Variants in TMTC1 observed in about 807,000 individuals in gnomAD.
The protein encoded by TMTC1 is transmembrane O-mannosyltransferase targeting cadherins 1.
Under a neutral mutation model 104.8 loss-of-function variants are expected in TMTC1, and 73 were observed. The ratio of observed to expected loss-of-function variants is 0.70; its 90% CI spans 0.58 to 0.85. The LOEUF (loss-of-function observed/expected upper bound fraction) is 0.85. TMTC1 is among the 40% of genes least tolerant of loss of function. The probability of loss-of-function intolerance (pLI) is 0.00; values close to 1 mark genes in which losing one functional copy is unlikely to be tolerated. For synonymous variants in TMTC1, 434 were observed against 428.7 expected (o/e 1.01, Z -0.15); for missense variants, 1,035 against 1,096.1 (o/e 0.94, Z 0.79).
At chr12:29,681,870 T>C (rs1940930733) in intron 5 of TMTC1, among the ~76,000 whole-genome samples, 1 of 152,216 alleles carries the variant, frequency 6.6e-6, no homozygotes, top group African/African-American at 2.4e-5. Context: ...TTAATGATAT[T>C]AGGATTTAGT....
intron 5 of TMTC1, among the ~76,000 whole-genome samples, chr12:29,668,869 C>T (rs971399290): frequency 2.0e-5 from 3 of 152,208 alleles, no homozygotes; most frequent in Admixed American, 6.5e-5. Flanking sequence ...TAACAGTGCA[C>T]AATTTTTGAA....
At chr12:29,549,092 G>A (rs985301876) in intron 10 of TMTC1, among the ~76,000 whole-genome samples, 12 of 147,500 alleles carry the variant, frequency 8.1e-5, no homozygotes, top group African/African-American at 2.5e-4. Flanking sequence ...TACAAAGATT[G>A]GGAAGTGAAT....
intron 5 of TMTC1, among the ~76,000 whole-genome samples, chr12:29,711,762 T>C (rs779538118): frequency 6.6e-6 from 1 of 151,996 alleles, no homozygotes; most frequent in African/African-American, 2.4e-5. Flanking sequence ...TCCCAGCACT[T>C]TGGGGGGCCA....
At chr12:29,541,403 C>T (rs544777340) in intron 10 of TMTC1, among the ~76,000 whole-genome samples, 4 of 152,298 alleles carry the variant, frequency 2.6e-5, no homozygotes, top group Admixed American at 2.6e-4. Context: ...TATCTGACCC[C>T]CATGCATCTC....
chr12:29,716,770 C>G (rs1269143924), intron 5 of TMTC1, among the ~76,000 whole-genome samples: 2 of 152,202 alleles, frequency 1.3e-5, no homozygotes, highest in Non-Finnish European at 2.9e-5. Context: ...AATCCCAGCA[C>G]TTTGGGAAGC....
chr12:29,568,552 TCTTA>T (rs745632650), intron 9 of TMTC1, among the ~76,000 whole-genome samples: 5 of 152,240 alleles, frequency 3.3e-5, no homozygotes, highest in Non-Finnish European at 7.3e-5. Context: ...ATCAGAAGAT[TCTTA>T]CTTAAAGAGA....
Position 29,735,177 on chromosome 12 carries a change from G to A in TMTC1, c.938+16489C>T, listed in dbSNP as rs116138925. Among the ~76,000 whole-genome samples the A allele has an allele frequency of 1.9e-3, 295 of 152,306 alleles. 1 individual carries two copies. Among genetic ancestry groups the A allele is most frequent in the African/African-American group, 6.7e-3 (280 of 41,568 alleles). ...ACACAGAGTCCTCTGCATTCTTTAA[G>A]TAGGTGCTATCCTTAAACTGATCAC... On this transcript the variant is annotated intron_variant, in intron 5 of 17. Transcript: ENST00000539277.
chr12:29,629,851 GTT>G (rs1292447610), intron 6 of TMTC1, among the ~76,000 whole-genome samples: 1 of 152,124 alleles, frequency 6.6e-6, no homozygotes, highest in Non-Finnish European at 1.5e-5. Context: ...TTAAAAAGAT[GTT>G]TTAATCATTC....
intron 5 of TMTC1, among the ~76,000 whole-genome samples, chr12:29,674,773 A>T (rs897485402): frequency 5.3e-5 from 8 of 152,190 alleles, no homozygotes; most frequent in African/African-American, 1.9e-4. Flanking sequence ...ATTTACTCAA[A>T]AGAGCAAGAA....
At chr12:29,643,697 A>AATATAAATATATATATTTAT (rs1565733573) in intron 5 of TMTC1, among the ~76,000 whole-genome samples, 1 of 37,670 alleles carries the variant, frequency 2.7e-5, no homozygotes, top group Non-Finnish European at 4.5e-5. Flanking sequence ...TATATTATAT[A>AATATAAATATATATATTTAT]TATTATATAT....
At chr12:29,521,994 AAT>A (rs1944181448) in intron 11 of TMTC1, among the ~76,000 whole-genome samples, 1 of 15,366 alleles carries the variant, frequency 6.5e-5, no homozygotes, top group Non-Finnish European at 2.0e-4. Flanking sequence ...AAGTTAACAA[AAT>A]GTCATCTTTT....
rs36015543 is a variant in TMTC1, at chr12:29,571,583, T to TACAC, written c.1532+518_1532+521dup. Reference sequence around the variant, plus strand: ...AGGAGAATGTTAATACACACACACATACACACACACACACACACACACACA... The same window carrying TACAC: ...AGGAGAATGTTAATACACACACACATACACACACACACACACACACACACACACA... On this transcript the variant is annotated intron_variant, in intron 9 of 17. Transcript: ENST00000539277. Among the ~76,000 whole-genome samples, 131 of 148,150 alleles carry TACAC rather than the reference T, an allele frequency of 8.8e-4. 2 individuals carry two copies. The highest frequency in any genetic ancestry group is 2.4e-3 in the African/African-American group (99 of 40,626).
intron 5 of TMTC1, among the ~76,000 whole-genome samples, chr12:29,683,293 A>T (rs1378506759): frequency 6.6e-6 from 1 of 152,228 alleles, no homozygotes; most frequent in Non-Finnish European, 1.5e-5. Context: ...AAATCAGTAG[A>T]AACTCTGACT....
chr12:29,696,747 A>G (rs531681709), intron 5 of TMTC1, among the ~76,000 whole-genome samples: 47 of 152,182 alleles, frequency 3.1e-4, no homozygotes, highest in Non-Finnish European at 5.6e-4. Context: ...TAGGGTAGGA[A>G]ATAAATAGAA....
intron 7 of TMTC1, among the ~76,000 whole-genome samples, chr12:29,588,210 T>C (rs1464197324): frequency 6.6e-6 from 1 of 152,208 alleles, no homozygotes; most frequent in African/African-American, 2.4e-5. Flanking sequence ...GCCACAGGTA[T>C]CTTGCAAGAG....
intron 5 of TMTC1, among the ~76,000 whole-genome samples, chr12:29,744,958 C>A (rs1183776922): frequency 6.6e-6 from 1 of 151,864 alleles, no homozygotes; most frequent in Non-Finnish European, 1.5e-5. Context: ...CAGAGTCCTG[C>A]TTTGTCATCC....
chr12:29,648,517 A>G (rs917455441), intron 5 of TMTC1, among the ~76,000 whole-genome samples: 1 of 152,160 alleles, frequency 6.6e-6, no homozygotes, highest in Non-Finnish European at 1.5e-5. Context: ...AAAACACAAC[A>G]CAGCAGATTG....
intron 1 of TMTC1, among the ~76,000 whole-genome samples, chr12:29,781,844 A>G (rs909725809): frequency 3.3e-5 from 5 of 152,224 alleles, no homozygotes; most frequent in Non-Finnish European, 5.9e-5. Flanking sequence ...AAAGAAAAAA[A>G]GAGAAAAGAC....
At chr12:29,507,026 T>C (rs1287465262) in intron 17 of TMTC1, 40 bp from the exon 18 acceptor site, 27 of 1,572,094 alleles carry the variant, frequency 1.7e-5, no homozygotes, top group Non-Finnish European at 2.4e-5. Flanking sequence ...TTCTGATCCA[T>C]CACAAAACTC....
Sources: allele counts gnomAD v4.1 joint callset (sites outside exome capture counted in the v4.1 genomes callset), GRCh38; gene constraint gnomAD v4.1.1; transcripts MANE v1.5; gene names NCBI Gene and HGNC (gene_info 2026-07-23, HGNC 2026-07-21).